The following FAM163A variants were observed in gnomAD, a reference collection of about 807,000 sequenced individuals.
FAM163A encodes family with sequence similarity 163 member A.
FAM163A carries 7 observed loss-of-function variants against 12.0 expected under a neutral mutation model. That is an observed-to-expected ratio of 0.58 (90% CI 0.33 to 1.10). The LOEUF (loss-of-function observed/expected upper bound fraction) is 1.10, where lower values mean the gene tolerates loss of function less well. FAM163A is among the 50% of genes least tolerant of loss of function. The pLI is 0.03. For synonymous variants in FAM163A, 101 were observed against 91.0 expected, an observed-to-expected ratio of 1.11 and a Z score of -0.62; for missense variants, 202 against 218.6, an observed-to-expected ratio of 0.92 and a Z score of 0.48.
At chr1:179,808,402 C>T (rs1446644679) in intron 2 of FAM163A, among the ~76,000 whole-genome samples, 1 of 152,252 alleles carries the variant, frequency 6.6e-6, no homozygotes, top group African/African-American at 2.4e-5. Flanking sequence ...CCCGCTGCCT[C>T]AAGGTCTCAG....
chr1:179,791,578 T>G (rs1691511221), intron 1 of FAM163A, among the ~76,000 whole-genome samples: 1 of 152,246 alleles, frequency 6.6e-6, no homozygotes, highest in South Asian at 2.1e-4. Flanking sequence ...GGCTGGCAAC[T>G]AAGCCAGCTC....
chr1:179,761,857 C>T (rs1336926018), intron 1 of FAM163A, among the ~76,000 whole-genome samples: 2 of 151,856 alleles, frequency 1.3e-5, no homozygotes, highest in East Asian at 3.9e-4. Flanking sequence ...TTGAGTATAG[C>T]TCTAAACACA....
At chr1:179,741,413 T>G (rs1336911797), upstream of FAM163A, among the ~76,000 whole-genome samples, 2 of 152,220 alleles carry the variant, frequency 1.3e-5, no homozygotes, top group Non-Finnish European at 2.9e-5. Flanking sequence ...TACCCTATAG[T>G]CCAGTAATTT....
chr1:179,737,714 A>G, the FAM163A span, among the ~76,000 whole-genome samples: 1 of 152,232 alleles, frequency 6.6e-6, no homozygotes, highest in Middle Eastern at 3.4e-3. Context: ...AGGCGCCTGT[A>G]GTCCCAGCTA....
chr1:179,735,840 G>A, the FAM163A span, among the ~76,000 whole-genome samples: 15 of 152,138 alleles, frequency 9.9e-5, no homozygotes, highest in South Asian at 6.2e-4. Flanking sequence ...GATGGGAAGT[G>A]GAGCAGCACT....
chr1:179,796,468 CAT>C (rs1288451057), intron 1 of FAM163A, among the ~76,000 whole-genome samples: 2 of 152,172 alleles, frequency 1.3e-5, no homozygotes, highest in Non-Finnish European at 2.9e-5. Flanking sequence ...TCATTCATAA[CAT>C]ATTGTTAAAA....
chr1:179,747,377 G>A (rs1001784161), intron 1 of FAM163A, among the ~76,000 whole-genome samples: 1 of 152,190 alleles, frequency 6.6e-6, no homozygotes, highest in Non-Finnish European at 1.5e-5. Flanking sequence ...GAAGCCGATG[G>A]ATACACAAAG....
chr1:179,798,691 G>A (rs920186776), intron 1 of FAM163A, among the ~76,000 whole-genome samples: 1 of 152,172 alleles, frequency 6.6e-6, no homozygotes, highest in Non-Finnish European at 1.5e-5. Flanking sequence ...TCCGACTGGC[G>A]GGATAAATAG....
At chr1:179,767,864 C>A (rs1267628819) in intron 1 of FAM163A, among the ~76,000 whole-genome samples, 1 of 152,176 alleles carries the variant, frequency 6.6e-6, no homozygotes, top group Non-Finnish European at 1.5e-5. Flanking sequence ...AAAAAAAGCA[C>A]ACAACAATTA....
intron 1 of FAM163A, among the ~76,000 whole-genome samples, chr1:179,787,534 C>T (rs1322826646): frequency 6.6e-6 from 1 of 152,204 alleles, no homozygotes; most frequent in Non-Finnish European, 1.5e-5. Context: ...ATCTACAGCA[C>T]CTGCTCCACA....
chr1:179,768,646 G>A (rs557136605), intron 1 of FAM163A, among the ~76,000 whole-genome samples: 54 of 150,982 alleles, frequency 3.6e-4, no homozygotes, highest in African/African-American at 1.0e-3. Flanking sequence ...TCACTCTGTC[G>A]CCAGGCTGAA....
chr1:179,727,852 G>A, the FAM163A span, among the ~76,000 whole-genome samples: 4 of 152,164 alleles, frequency 2.6e-5, no homozygotes, highest in African/African-American at 9.7e-5. Flanking sequence ...CACAGTGAGT[G>A]GTGTCAAACA....
chr1:179,789,541 ATT>A (rs756699725), intron 1 of FAM163A, among the ~76,000 whole-genome samples: 11 of 152,006 alleles, frequency 7.2e-5, no homozygotes, highest in Admixed American at 6.5e-4. Context: ...TCTTTTCCTT[ATT>A]TTAGAACATC....
At chr1:179,764,424 A>G (rs532846167) in intron 1 of FAM163A, among the ~76,000 whole-genome samples, 1 of 152,266 alleles carries the variant, frequency 6.6e-6, no homozygotes, top group South Asian at 2.1e-4. Flanking sequence ...GGGTTCTTCA[A>G]ATGGAAACAG....
At chr1:179,748,021 C>T (rs1457829148) in intron 1 of FAM163A, among the ~76,000 whole-genome samples, 1 of 151,952 alleles carries the variant, frequency 6.6e-6, no homozygotes, top group Non-Finnish European at 1.5e-5. Context: ...GTCCAGACAC[C>T]AGTGGTGTGG....
At chr1:179,752,295 A>T (rs1685387494) in intron 1 of FAM163A, among the ~76,000 whole-genome samples, 1 of 152,200 alleles carries the variant, frequency 6.6e-6, no homozygotes. Context: ...ACAAAAAATC[A>T]ATTCAAAATG....
chr1:179,773,432 G>C (rs1421014105), intron 1 of FAM163A, among the ~76,000 whole-genome samples: 3 of 152,178 alleles, frequency 2.0e-5, no homozygotes, highest in Non-Finnish European at 4.4e-5. Context: ...CAATTTCCTG[G>C]TGTGATATTG....
the FAM163A span, among the ~76,000 whole-genome samples, chr1:179,729,811 T>TA: frequency 6.6e-6 from 1 of 152,166 alleles, no homozygotes; most frequent in African/African-American, 2.4e-5. Context: ...TCATCATTTG[T>TA]ATTTTTTTTA....
chr1:179,776,842 A>G (rs750018120), intron 1 of FAM163A, among the ~76,000 whole-genome samples: 1 of 152,206 alleles, frequency 6.6e-6, no homozygotes, highest in Non-Finnish European at 1.5e-5. Context: ...CACTACCTCT[A>G]TTTAGTGTCA....
Sources: allele counts gnomAD v4.1 joint callset (sites outside exome capture counted in the v4.1 genomes callset), GRCh38; gene constraint gnomAD v4.1.1; transcripts MANE v1.5; gene names NCBI Gene and HGNC (gene_info 2026-07-23, HGNC 2026-07-21).